Variants in ATRNL1 observed in about 807,000 individuals in gnomAD.
The protein encoded by ATRNL1 is attractin like 1, also known as attractin-like protein 1.
Under a neutral mutation model 182.7 loss-of-function variants are expected in ATRNL1, and 95 were observed. That is an observed-to-expected ratio of 0.52 (90% CI 0.44 to 0.62). The LOEUF (loss-of-function observed/expected upper bound fraction) is 0.62. ATRNL1 is among the 20% of genes least tolerant of loss of function. ATRNL1 has a pLI of 0.00. For missense variants in ATRNL1, 1,471 were observed against 1,679.5 expected (o/e 0.88, Z 2.17); for synonymous variants, 576 against 568.3 (o/e 1.01, Z -0.19).
chr10:115,207,603 AGT>A (rs1848848874), intron 8 of ATRNL1, among the ~76,000 whole-genome samples: 1 of 151,624 alleles, frequency 6.6e-6, no homozygotes, highest in Admixed American at 6.6e-5. Context: ...AAATTTGCTG[AGT>A]GTAGAATTCT....
chr10:115,940,740 C>G (rs1395562172), intron 28 of ATRNL1, among the ~76,000 whole-genome samples: 2 of 151,770 alleles, frequency 1.3e-5, no homozygotes, highest in Non-Finnish European at 2.9e-5. Flanking sequence ...TACACACTAT[C>G]GAATTCAATA....
intron 21 of ATRNL1, among the ~76,000 whole-genome samples, chr10:115,450,116 T>G (rs1847211015): frequency 6.6e-6 from 1 of 152,010 alleles, no homozygotes; most frequent in Non-Finnish European, 1.5e-5. Flanking sequence ...AACTTAGGTA[T>G]TAAAGGAACA....
intron 26 of ATRNL1, among the ~76,000 whole-genome samples, chr10:115,622,474 G>A (rs782575524): frequency 5.9e-5 from 9 of 152,168 alleles, no homozygotes; most frequent in Non-Finnish European, 1.0e-4. Flanking sequence ...CTGATCATAA[G>A]CATGAGTGTG....
In ATRNL1 at chr10:115,948,005, A is replaced by G. The variant is rs2133658072; in HGVS notation, c.*3226A>G. 1 of 152,354 alleles carries G rather than the reference A, an allele frequency of 6.6e-6. No individual in the cohort carries two copies. The highest frequency in any genetic ancestry group is 2.1e-4 in the South Asian group (1 of 4,830). 9.4% of individuals were successfully genotyped at this position (152,354 alleles called of 1,614,324 possible). A position where few individuals can be genotyped will look rare whatever the true frequency, so the allele number is the denominator to read the frequency against. ...GACACCAGGCCACTCTTTTTCTACC[A>G]GTTGTTTTATGAATCCACCTATTAA... On this transcript the variant is annotated 3_prime_UTR_variant, in exon 29 of 29. Transcript: ENST00000355044.
intron 28 of ATRNL1, among the ~76,000 whole-genome samples, chr10:115,874,185 C>A (rs1418545908): frequency 1.3e-5 from 2 of 152,142 alleles, no homozygotes; most frequent in South Asian, 4.1e-4. Context: ...ACGTCTTCTG[C>A]CACAACTGGG....
intron 27 of ATRNL1, among the ~76,000 whole-genome samples, chr10:115,779,987 A>T (rs1949222997): frequency 6.6e-6 from 1 of 152,208 alleles, no homozygotes. Context: ...GCACCTTCAT[A>T]AGTACCAGAA....
chr10:115,488,888 T>A (rs535039822), intron 24 of ATRNL1, among the ~76,000 whole-genome samples: 1 of 152,334 alleles, frequency 6.6e-6, no homozygotes, highest in Admixed American at 6.5e-5. Context: ...CTCTACACAC[T>A]GCTTTAAATG....
intron 24 of ATRNL1, among the ~76,000 whole-genome samples, chr10:115,501,132 CCAT>C (rs1228574067): frequency 6.6e-6 from 1 of 151,758 alleles, no homozygotes; most frequent in African/African-American, 2.4e-5. Context: ...CAGGGTTTCA[CCAT>C]GTTTGCCAGG....
At chr10:115,289,795 G>A (rs1401322709) in intron 15 of ATRNL1, among the ~76,000 whole-genome samples, 5 of 152,122 alleles carry the variant, frequency 3.3e-5, no homozygotes, top group African/African-American at 1.2e-4. Flanking sequence ...ACTTTGTAGT[G>A]TATTTTGAAG....
At chr10:115,908,969 G>A (rs185247200) in intron 28 of ATRNL1, among the ~76,000 whole-genome samples, 5 of 152,278 alleles carry the variant, frequency 3.3e-5, no homozygotes, top group East Asian at 3.9e-4. Context: ...ACATGTGCAC[G>A]TCATGCCTGC....
chr10:115,407,138 C>A (rs1844870259), intron 20 of ATRNL1, among the ~76,000 whole-genome samples: 1 of 151,944 alleles, frequency 6.6e-6, no homozygotes, highest in Non-Finnish European at 1.5e-5. Context: ...GATAATGGTA[C>A]ATATTTATGG....
intron 21 of ATRNL1, among the ~76,000 whole-genome samples, chr10:115,429,123 C>T (rs1846034068): frequency 6.6e-6 from 1 of 151,792 alleles, no homozygotes; most frequent in Admixed American, 6.6e-5. Flanking sequence ...TGTGTTGATG[C>T]CTTGAAAATG....
intron 18 of ATRNL1, among the ~76,000 whole-genome samples, chr10:115,332,314 C>G (rs565878559): frequency 1.2e-3 from 181 of 152,262 alleles, no homozygotes; most frequent in African/African-American, 4.1e-3. Context: ...GGCTTCACAG[C>G]CTTACTTGTG....
At chr10:115,523,933 A>G (rs1554985917) in intron 25 of ATRNL1, among the ~76,000 whole-genome samples, 1 of 152,214 alleles carries the variant, frequency 6.6e-6, no homozygotes, top group African/African-American at 2.4e-5. Flanking sequence ...GTAATACATA[A>G]AGGAAAGAGG....
intron 17 of ATRNL1, among the ~76,000 whole-genome samples, chr10:115,304,503 A>T (rs1853630494): frequency 6.6e-6 from 1 of 152,176 alleles, no homozygotes; most frequent in Non-Finnish European, 1.5e-5. Context: ...GGCAAGAAAG[A>T]AAAGAAAAGG....
rs1554885506 is a variant in ATRNL1 at position 115,171,243 on chromosome 10, A to C, written c.1299A>C (p.Gly433=). The change falls in exon 8 of 29, where the codon GGA becomes GGC. Residue 433 remains glycine (G), a synonymous_variant. Coordinates refer to ENST00000355044, the MANE Select transcript of ATRNL1 (RefSeq NM_207303.4). ...SRDVVMIIIF[G]YSAIYGYTSS... ...ATGTTGTCATGATCATAATATTTGG[A>C]TATTCTGCAATATATGGTTATACAA... is the stretch of plus-strand genomic sequence containing the variant. The C allele has an allele frequency of 1.2e-6, 2 of 1,609,560 alleles. No homozygotes were observed. The highest frequency in any genetic ancestry group is 4.5e-5 in the East Asian group (2 of 44,686).
At chr10:115,802,978 T>A (rs2134239064) in intron 27 of ATRNL1, among the ~76,000 whole-genome samples, 1 of 152,314 alleles carries the variant, frequency 6.6e-6, no homozygotes, top group Admixed American at 6.5e-5. Context: ...ATTTGTGTCA[T>A]TTTTGATTTA....
At chr10:115,337,737 TA>T (rs1855560117) in intron 19 of ATRNL1, among the ~76,000 whole-genome samples, 1 of 152,192 alleles carries the variant, frequency 6.6e-6, no homozygotes, top group Non-Finnish European at 1.5e-5. Context: ...CATTCTTTTT[TA>T]TGGATGAATG....
chr10:115,685,591 ATG>A (rs1200767130), intron 26 of ATRNL1, among the ~76,000 whole-genome samples: 2 of 151,874 alleles, frequency 1.3e-5, no homozygotes, highest in Non-Finnish European at 3.0e-5. Flanking sequence ...AGGAAAGCCT[ATG>A]TTTACAGATG....
Sources: gnomAD v4.1 joint callset for allele counts (sites outside exome capture counted in the v4.1 genomes callset) on GRCh38, gnomAD v4.1.1 for gene constraint, MANE v1.5 for transcripts, NCBI Gene and HGNC (gene_info 2026-07-23, HGNC 2026-07-21) for gene names.